PID1: variants seen among roughly 807,000 people sequenced by gnomAD.
The protein encoded by PID1 is phosphotyrosine interaction domain containing 1, also known as PTB-containing, cubilin and LRP1-interacting protein.
In PID1, 10 loss-of-function variants were observed where a neutral mutation model predicts 19.1. The ratio of observed to expected loss-of-function variants is 0.52; its 90% CI spans 0.32 to 0.89. The LOEUF is 0.89. Ranked by LOEUF, PID1 falls within the 40% of genes least tolerant of loss-of-function variation. PID1 has a pLI of 0.03. For missense variants in PID1, 248 were observed against 285.3 expected, an observed-to-expected ratio of 0.87 and a Z score of 0.94; for synonymous variants, 130 against 116.0, an observed-to-expected ratio of 1.12 and a Z score of -0.78.
intron 2 of PID1, among the ~76,000 whole-genome samples, chr2:229,128,418 A>G (rs983351723): frequency 2.0e-5 from 3 of 152,250 alleles, no homozygotes; most frequent in African/African-American, 7.2e-5. Context: ...GTATAACTGT[A>G]TAAAACTCCA....
intron 2 of PID1, among the ~76,000 whole-genome samples, chr2:229,102,179 A>G (rs1345507075): frequency 1.3e-5 from 2 of 152,128 alleles, no homozygotes; most frequent in African/African-American, 2.4e-5. Flanking sequence ...ACTTCAGTTC[A>G]CAGAGACCCA....
chr2:229,102,806 A>T (rs1241608551), intron 2 of PID1, among the ~76,000 whole-genome samples: 1 of 152,194 alleles, frequency 6.6e-6, no homozygotes, highest in Non-Finnish European at 1.5e-5. Flanking sequence ...CCCTGGAAGG[A>T]TCCAAGCCCA....
chr2:229,150,489 T>C (rs1181096128), intron 2 of PID1, among the ~76,000 whole-genome samples: 2 of 152,160 alleles, frequency 1.3e-5, no homozygotes, highest in East Asian at 1.9e-4. Context: ...AGGAGACCCA[T>C]GTCAACAACT....
chr2:229,076,213 C>T (rs1022563602), intron 2 of PID1, among the ~76,000 whole-genome samples: 1 of 152,160 alleles, frequency 6.6e-6, no homozygotes, highest in African/African-American at 2.4e-5. Context: ...AACCACTGAT[C>T]TCTTTCCTCA....
intron 2 of PID1, among the ~76,000 whole-genome samples, chr2:229,060,687 C>T (rs1694194469): frequency 6.6e-6 from 1 of 152,058 alleles, no homozygotes; most frequent in Non-Finnish European, 1.5e-5. Flanking sequence ...TTCGGAGGCA[C>T]CTCTATACAG....
rs916701542 is a variant in PID1, at chr2:229,024,910, T to C, written c.*722A>G. 1 of 152,670 alleles carries C rather than the reference T, an allele frequency of 6.6e-6. No homozygotes were observed. Among genetic ancestry groups the C allele is most frequent in the African/African-American group, 2.4e-5 (1 of 41,432 alleles). The allele number at this position is 152,670 out of a possible 1,614,324, so 9.5% of individuals were successfully genotyped here. ...TGAGATTTCATCCCTCTAAGGATGT[T>C]AGAAGGGGAAAGAGGGTGGACAGGG... On this transcript the variant is annotated 3_prime_UTR_variant, in exon 3 of 3. Coordinates refer to ENST00000392055, the MANE Select transcript of PID1 (RefSeq NM_001100818.2).
At chr2:229,073,044 GA>G (rs1694488352) in intron 2 of PID1, among the ~76,000 whole-genome samples, 2 of 152,024 alleles carry the variant, frequency 1.3e-5, no homozygotes, top group Non-Finnish European at 2.9e-5. Context: ...TTATTTTTTT[GA>G]GACGGAGTCT....
At chr2:229,175,540 G>A (rs1553571880) in intron 1 of PID1, among the ~76,000 whole-genome samples, 1 of 152,170 alleles carries the variant, frequency 6.6e-6, no homozygotes, top group Non-Finnish European at 1.5e-5. Flanking sequence ...CAAGAATCAG[G>A]AAGACACTGA....
chr2:229,225,251 G>A (rs915599818), intron 1 of PID1, among the ~76,000 whole-genome samples: 1 of 152,064 alleles, frequency 6.6e-6, no homozygotes, highest in Non-Finnish European at 1.5e-5. Flanking sequence ...ATTGTAGTGG[G>A]AATGAAATTA....
At chr2:229,270,135 T>C (rs1350462732) in intron 1 of PID1, among the ~76,000 whole-genome samples, 3 of 152,184 alleles carry the variant, frequency 2.0e-5, no homozygotes, top group Non-Finnish European at 4.4e-5. Context: ...GTCTTCAAAG[T>C]TTACTACGAA....
intron 2 of PID1, among the ~76,000 whole-genome samples, chr2:229,139,744 T>C (rs1473878009): frequency 6.6e-6 from 1 of 152,138 alleles, no homozygotes; most frequent in African/African-American, 2.4e-5. Context: ...GTCTTTAACA[T>C]CCACACAAAT....
chr2:229,163,652 T>A (rs865917215), intron 1 of PID1, among the ~76,000 whole-genome samples: 148 of 32,208 alleles, frequency 4.6e-3, no homozygotes, highest in East Asian at 0.017. Flanking sequence ...AGAGAGAGAG[T>A]GTGTGTGTGT....
rs149846995 is a variant in PID1 at position 229,269,295 on chromosome 2, C to T, written c.30+1719G>A. ...AACCAGGCTCACGCCAAAATGCACA[C>T]GTGCACATTTCACAAAATAAGGGGG... is the stretch of plus-strand genomic sequence containing the variant. On this transcript the variant is annotated intron_variant, in intron 1 of 2. Transcript: ENST00000392055. Among the ~76,000 whole-genome samples, 64 of 152,352 alleles carry T rather than the reference C, an allele frequency of 4.2e-4. No homozygotes were observed. The East Asian group carries it at 0.01, about 24-fold the overall frequency.
chr2:229,139,032 A>AAAGAAAGAAAGG (rs1689928255), intron 2 of PID1, among the ~76,000 whole-genome samples: 1 of 76,408 alleles, frequency 1.3e-5, no homozygotes, highest in Non-Finnish European at 2.9e-5. Flanking sequence ...AGAAAGAAAG[A>AAAGAAAGAAAGG]AAGAAAGAGA....
intron 2 of PID1, among the ~76,000 whole-genome samples, chr2:229,122,719 CA>C (rs1229329026): frequency 2.0e-5 from 3 of 152,136 alleles, no homozygotes; most frequent in Non-Finnish European, 4.4e-5. Flanking sequence ...GCATTTCAAA[CA>C]AGTTTATTAG....
chr2:229,099,631 A>T (rs1268055544), intron 2 of PID1, among the ~76,000 whole-genome samples: 1 of 152,156 alleles, frequency 6.6e-6, no homozygotes, highest in African/African-American at 2.4e-5. Flanking sequence ...ATTCAGCCCA[A>T]GAGGAAGTGG....
At chr2:229,158,738 C>T (rs1460126956) in intron 1 of PID1, among the ~76,000 whole-genome samples, 1 of 152,142 alleles carries the variant, frequency 6.6e-6, no homozygotes, top group Admixed American at 6.5e-5. Context: ...ATGATACACA[C>T]ACACAAGTAC....
chr2:229,037,067 A>G (rs1574573815), intron 2 of PID1, among the ~76,000 whole-genome samples: 1 of 152,312 alleles, frequency 6.6e-6, no homozygotes, highest in African/African-American at 2.4e-5. Context: ...TATAAAGTAC[A>G]CAATCTCTAG....
intron 1 of PID1, among the ~76,000 whole-genome samples, chr2:229,216,735 C>A (rs138580100): frequency 1.3e-5 from 2 of 152,024 alleles, no homozygotes; most frequent in Non-Finnish European, 2.9e-5. Flanking sequence ...AAACCAAGAA[C>A]GTGGTATGCC....
Sources: gnomAD v4.1 joint callset for allele counts (sites outside exome capture counted in the v4.1 genomes callset) on GRCh38, gnomAD v4.1.1 for gene constraint, MANE v1.5 for transcripts, NCBI Gene and HGNC (gene_info 2026-07-23, HGNC 2026-07-21) for gene names.